GART: variants seen among roughly 807,000 people sequenced by gnomAD.
GART encodes the protein phosphoribosylglycinamide formyltransferase, phosphoribosylglycinamide synthetase, phosphoribosylaminoimidazole synthetase.
Under a neutral mutation model 107.2 loss-of-function variants are expected in GART, and 43 were observed. That is an observed-to-expected ratio of 0.40 (90% CI 0.31 to 0.52). The LOEUF (loss-of-function observed/expected upper bound fraction) is 0.52, where lower values mean the gene tolerates loss of function less well. Ranked by LOEUF, GART falls within the 20% of genes least tolerant of loss-of-function variation. The pLI is 0.52. For synonymous variants in GART, 434 were observed against 427.0 expected, an observed-to-expected ratio of 1.02 and a Z score of -0.20; for missense variants, 1,107 against 1,206.5, an observed-to-expected ratio of 0.92 and a Z score of 1.22.
Position 33,535,309 on chromosome 21 carries a change from T to C in GART, c.157A>G (p.Ser53Gly). ...AATTGAGCAAGGGCAGTGTGGTCACTGATTGAGATGGCTGTAAACAGAAAA... is the reference window on the plus strand; with the variant it reads ...AATTGAGCAAGGGCAGTGTGGTCACCGATTGAGATGGCTGTAAACAGAAAA... ...EKISNTAISI[S>G]DHTALAQFCK... The change falls in exon 3 of 22, where the codon AGT becomes GGT. Residue 53 changes from serine (S) to glycine (G), a missense_variant. Ser to Gly is a moderately conservative substitution (Grantham distance 56). Coordinates refer to ENST00000381815, the MANE Select transcript of GART (RefSeq NM_000819.5). 6.5e-7 allele frequency: 1 copy of C among 1,529,634 alleles called. No homozygotes were observed. Among genetic ancestry groups the C allele is most frequent in the Non-Finnish European group, 8.8e-7 (1 of 1,135,996 alleles). The allele number at this position is 1,529,634 out of a possible 1,614,324, so 94.8% of individuals were successfully genotyped here. A position where few individuals can be genotyped will look rare whatever the true frequency, so the allele number is the denominator to read the frequency against.
At position 33,520,429 on chromosome 21, in the gene GART, C is replaced by G; in HGVS notation, c.1637G>C (p.Ser546Thr). 1.2e-6 allele frequency: 2 copies of G among 1,614,138 alleles called. No homozygotes were observed. Among genetic ancestry groups the G allele is most frequent in the Non-Finnish European group, 1.7e-6 (2 of 1,179,994 alleles). ...DYFSCGKLDLSVTEAVVAGIA... is the reference protein window; with the variant it reads ...DYFSCGKLDLTVTEAVVAGIA... The stretch of plus-strand genomic sequence containing the variant: ...TCCAGCAACAACAGCTTCAGTTACA[C>G]TGAGGTCAAGTTTTCCACAGGAAAA... Residue 546 changes from serine to threonine, a missense_variant, in exon 14 of 22, where the codon AGT (serine) becomes ACT (threonine). Physicochemically the swap from Ser to Thr is moderately conservative, Grantham distance 58. Transcript: ENST00000381815.
chr21:33,530,926 A>G, intron 6 of GART, 42 bp from the exon 7 acceptor site: 2 of 1,494,326 alleles, frequency 1.3e-6, no homozygotes, highest in Non-Finnish European at 1.8e-6. Context: ...TAACTGTCAA[A>G]AACTAAAAAA....
In GART at chr21:33,530,779, C is replaced by T. The variant is rs554191541; in HGVS notation, c.703G>A (p.Ala235Thr). 1 of 1,512,506 alleles carries T rather than the reference C, an allele frequency of 6.6e-7. No individual in the cohort carries two copies. The highest frequency in any genetic ancestry group is 8.8e-7 in the Non-Finnish European group (1 of 1,135,864). The allele number at this position is 1,512,506 out of a possible 1,614,324, so 93.7% of individuals were successfully genotyped here. A position where few individuals can be genotyped will look rare whatever the true frequency, so the allele number is the denominator to read the frequency against. ...DGGPNTGGMGAYCPAPQVSND... is the reference protein window; with the variant it reads ...DGGPNTGGMGTYCPAPQVSND... Reference sequence around the variant, plus strand: ...AGTACCTGAGGGGCTGGACAATAGGCTCCCATTCCCCCTGTGTTAGGGCCA... The same window carrying T: ...AGTACCTGAGGGGCTGGACAATAGGTTCCCATTCCCCCTGTGTTAGGGCCA... The change falls in exon 7 of 22, where the codon GCC (alanine) becomes ACC (threonine). Residue 235 changes from alanine (A) to threonine (T), a missense_variant. Physicochemically the swap from Ala to Thr is moderately conservative, Grantham distance 58. Transcript: ENST00000381815.
upstream of GART, chr21:33,542,422 C>G (rs918274300): frequency 6.6e-6 from 1 of 152,544 alleles, no homozygotes; most frequent in African/African-American, 2.4e-5. Context: ...GAGCAGCTAC[C>G]GCGGAAAAAT....
intron 2 of GART, among the ~76,000 whole-genome samples, chr21:33,535,826 G>A (rs1319310169): frequency 1.3e-5 from 2 of 152,026 alleles, no homozygotes; most frequent in Non-Finnish European, 2.9e-5. Context: ...TCAGGAGTTC[G>A]AGACCAGCCT....
chr21:33,507,285 T>G (rs1208235452), intron 18 of GART, among the ~76,000 whole-genome samples: 2 of 152,134 alleles, frequency 1.3e-5, no homozygotes, highest in Non-Finnish European at 2.9e-5. Flanking sequence ...TTAAGTGAAA[T>G]AAGTCAGGCA....
At position 33,525,896 on chromosome 21, in the gene GART, G is replaced by A. The variant is rs1012068010; in HGVS notation, c.1067-896C>T. On this transcript the variant is annotated intron_variant, in intron 10 of 21. Coordinates refer to ENST00000381815, the MANE Select transcript of GART (RefSeq NM_000819.5). The stretch of plus-strand genomic sequence containing the variant: ...TTTTTTTTTTTTTTTTTGAGACAGA[G>A]TCTCGCTCTGTCGCCCAGGCTGGTG... Among the ~76,000 whole-genome samples the A allele has an allele frequency of 2.1e-5, 3 of 143,170 alleles. No individual in the cohort carries two copies. In the East Asian group the frequency reaches 6.1e-4, roughly 29 times the overall value. The allele number at this position is 143,170 out of a possible 152,430, so 93.9% of individuals were successfully genotyped here.
intron 16 of GART, among the ~76,000 whole-genome samples, chr21:33,515,231 C>T (rs2084852813): frequency 6.6e-6 from 1 of 152,194 alleles, no homozygotes; most frequent in Non-Finnish European, 1.5e-5. Flanking sequence ...GATCATCTCA[C>T]TAATACTTCA....
chr21:33,510,296 AG>A (rs1257661167), intron 17 of GART: 3 of 164,208 alleles, frequency 1.8e-5, no homozygotes, highest in Non-Finnish European at 3.9e-5. Context: ...AGCCATTTAA[AG>A]GCTTGATATG....
rs537884285 is a variant in GART at position 33,504,522 on chromosome 21, T to A, written c.2731A>T (p.Met911Leu). ...GPFVQKWNGK[M>L]LNIHPSLLPS... The stretch of plus-strand genomic sequence containing the variant: ...AGCAAGGATGGGTGGATATTGAGCA[T>A]TTTTCCTAAAAATTAAAAAAAGCAT... The change falls in exon 21 of 22, where the codon ATG (methionine) becomes TTG (leucine). Residue 911 changes from methionine (M) to leucine (L), a missense_variant. Physicochemically the swap from Met to Leu is conservative, Grantham distance 15. Transcript: ENST00000381815. The A allele has an allele frequency of 2.3e-5, 37 of 1,605,862 alleles. 2 individuals carry two copies. The South Asian group carries it at 4.0e-4, about 17-fold the overall frequency.
chr21:33,524,310 G>T (rs2085027432), intron 11 of GART: 1 of 969,672 alleles, frequency 1.0e-6, no homozygotes, highest in Non-Finnish European at 1.2e-6. Context: ...AGCATTTTGG[G>T]AGGCCAAAGC....
chr21:33,519,450 A>G (rs1032800250), intron 14 of GART, among the ~76,000 whole-genome samples: 1 of 150,810 alleles, frequency 6.6e-6, no homozygotes, highest in African/African-American at 2.4e-5. Flanking sequence ...GCTACTCGGG[A>G]GGCTGAGGCA....
intron 11 of GART, chr21:33,523,934 T>G: frequency 1.2e-6 from 1 of 859,014 alleles, no homozygotes; most frequent in Non-Finnish European, 1.4e-6. Context: ...GCCACTGCAC[T>G]CCAGCCTGGG....
intron 14 of GART, among the ~76,000 whole-genome samples, chr21:33,519,350 G>A (rs555348019): frequency 3.9e-5 from 6 of 152,212 alleles, no homozygotes; most frequent in South Asian, 4.2e-4. Context: ...TCAGGAGATT[G>A]AGACCATCCT....
At chr21:33,506,144 CTTCT>C in intron 18 of GART, 40 bp from the exon 19 acceptor site, 2 of 1,573,260 alleles carry the variant, frequency 1.3e-6, no homozygotes, top group Non-Finnish European at 1.7e-6. Context: ...CATACTACTA[CTTCT>C]TTTTTTTTTT....
chr21:33,532,535 G>T, intron 4 of GART, 79 bp from the exon 5 acceptor site: 1 of 1,037,042 alleles, frequency 9.6e-7, no homozygotes, highest in Non-Finnish European at 1.5e-6. Flanking sequence ...ATTTTGTAAC[G>T]ATATGCTATA....
At chr21:33,528,630 A>AG (rs756278605) in intron 8 of GART, 26 bp from the exon 9 acceptor site, 1 of 1,454,674 alleles carries the variant, frequency 6.9e-7, no homozygotes, top group Admixed American at 2.3e-5. Flanking sequence ...AAAAAAAAAA[A>AG]AAGAGAGAAA....
intron 10 of GART, 84 bp from the exon 11 acceptor site, chr21:33,525,084 C>CTTT (rs35083461): frequency 4.0e-5 from 54 of 1,364,668 alleles, no homozygotes; most frequent in Admixed American, 6.0e-5. Context: ...CCACAAGTTT[C>CTTT]TTTTTTTTTT....
intron 16 of GART, among the ~76,000 whole-genome samples, chr21:33,515,605 A>G (rs1283960927): frequency 1.6e-5 from 2 of 124,736 alleles, no homozygotes; most frequent in African/African-American, 7.6e-5. Context: ...GCGCCACTGC[A>G]CTCCAGTCTG....
Sources: gnomAD v4.1 joint callset for allele counts (sites outside exome capture counted in the v4.1 genomes callset) on GRCh38, gnomAD v4.1.1 for gene constraint, MANE v1.5 for transcripts, NCBI Gene and HGNC (gene_info 2026-07-23, HGNC 2026-07-21) for gene names.